Variants in CCDC148 observed in about 807,000 individuals in gnomAD.
CCDC148 encodes coiled-coil domain-containing protein 148.
A neutral mutation model predicts 85.7 loss-of-function variants in CCDC148; 89 were observed. That is an observed-to-expected ratio of 1.04 (90% CI 0.87 to 1.24). CCDC148 has a LOEUF of 1.24. Ranked by LOEUF, CCDC148 falls within the 50% of genes most tolerant of loss-of-function variation. CCDC148 has a pLI of 0.00. For missense variants in CCDC148, 692 were observed against 671.7 expected, an observed-to-expected ratio of 1.03 and a Z score of -0.33; for synonymous variants, 230 against 213.9, an observed-to-expected ratio of 1.08 and a Z score of -0.66.
At chr2:158,345,942 T>TA (rs997223373) in intron 2 of CCDC148, among the ~76,000 whole-genome samples, 12 of 152,330 alleles carry the variant, frequency 7.9e-5, no homozygotes, top group Non-Finnish European at 1.5e-4. Context: ...TGCGTCTTTG[T>TA]AAAAAAATTT....
intron 11 of CCDC148, among the ~76,000 whole-genome samples, chr2:158,199,563 C>G (rs6730081): frequency 0.072 from 11,006 of 152,132 alleles, 1,084 homozygotes; most frequent in African/African-American, 0.22. Context: ...TAATTTAAAA[C>G]CAGTTTTTAG....
intron 10 of CCDC148, among the ~76,000 whole-genome samples, chr2:158,231,814 C>T (rs1017619812): frequency 6.6e-6 from 1 of 152,090 alleles, no homozygotes; most frequent in Admixed American, 6.6e-5. Context: ...GGGAACCGGG[C>T]CAACAGTTTT....
chr2:158,364,731 C>G (rs1002984949), intron 1 of CCDC148, among the ~76,000 whole-genome samples: 1 of 152,144 alleles, frequency 6.6e-6, no homozygotes, highest in African/African-American at 2.4e-5. Context: ...CTAGGTAATA[C>G]CATTCAGGAC....
At chr2:158,449,774 G>T (rs539197701) in intron 1 of CCDC148, among the ~76,000 whole-genome samples, 2 of 152,216 alleles carry the variant, frequency 1.3e-5, no homozygotes, top group African/African-American at 4.8e-5. Context: ...AGATCAGACA[G>T]GTACGTTCAA....
At chr2:158,256,299 G>A (rs1329233982) in intron 9 of CCDC148, among the ~76,000 whole-genome samples, 1 of 151,690 alleles carries the variant, frequency 6.6e-6, no homozygotes, top group Non-Finnish European at 1.5e-5. Context: ...GGCTCATGCA[G>A]TTCTTTCATG....
At position 158,275,736 on chromosome 2, in the gene CCDC148, GAA is replaced by G. The variant is rs11291236; in HGVS notation, c.1111-24826_1111-24825del. Among the ~76,000 whole-genome samples, 615 of 146,882 alleles carry G rather than the reference GAA, an allele frequency of 4.2e-3. 8 individuals carry two copies. Among genetic ancestry groups the G allele is most frequent in the East Asian group, 0.04 (201 of 5,006 alleles). ...ATTCTTGATGGGAAAAATTTAAATT[GAA>G]AAAAAAAAAAACTCTGGAGAAATTA... On this transcript the variant is annotated intron_variant, in intron 9 of 13. Transcript: ENST00000283233.
intron 7 of CCDC148, among the ~76,000 whole-genome samples, chr2:158,319,288 G>C (rs1169320616): frequency 6.6e-6 from 1 of 152,076 alleles, no homozygotes; most frequent in Non-Finnish European, 1.5e-5. Flanking sequence ...CTCCAGCCCT[G>C]GCAGTGAATC....
intron 1 of CCDC148, among the ~76,000 whole-genome samples, chr2:158,411,510 G>A (rs1574773905): frequency 6.6e-6 from 1 of 151,694 alleles, no homozygotes; most frequent in East Asian, 1.9e-4. Context: ...ACATTGTTTA[G>A]TTCTAGAATT....
intron 7 of CCDC148, among the ~76,000 whole-genome samples, chr2:158,337,182 G>A (rs1183689954): frequency 6.6e-6 from 1 of 152,178 alleles, no homozygotes; most frequent in East Asian, 1.9e-4. Flanking sequence ...AGACTGCTAA[G>A]GCAAACTCCT....
chr2:158,384,250 G>C (rs1400496087), intron 1 of CCDC148, among the ~76,000 whole-genome samples: 1 of 152,148 alleles, frequency 6.6e-6, no homozygotes, highest in African/African-American at 2.4e-5. Flanking sequence ...TACTTTGAAA[G>C]TGATAAAGTT....
chr2:158,377,907 C>A (rs1347730182), intron 1 of CCDC148, among the ~76,000 whole-genome samples: 1 of 152,094 alleles, frequency 6.6e-6, no homozygotes, highest in East Asian at 1.9e-4. Flanking sequence ...CTCTGTCTTT[C>A]CCTCTCCTGG....
intron 11 of CCDC148, among the ~76,000 whole-genome samples, chr2:158,182,789 C>T (rs1684966560): frequency 2.6e-5 from 4 of 152,130 alleles, no homozygotes; most frequent in African/African-American, 9.7e-5. Context: ...GCTTCTTCTA[C>T]TCTGGATAGA....
chr2:158,208,561 C>T (rs1436314048), intron 11 of CCDC148, among the ~76,000 whole-genome samples: 1 of 152,134 alleles, frequency 6.6e-6, no homozygotes. Context: ...ACGACAGGAA[C>T]AGGAACAAAG....
At chr2:158,415,972 C>T (rs1359211746) in intron 1 of CCDC148, among the ~76,000 whole-genome samples, 1 of 152,212 alleles carries the variant, frequency 6.6e-6, no homozygotes, top group Non-Finnish European at 1.5e-5. Flanking sequence ...CAGACTTCTG[C>T]CTGCACATCC....
At chr2:158,343,902 A>C (rs2105247456) in intron 3 of CCDC148, among the ~76,000 whole-genome samples, 1 of 152,184 alleles carries the variant, frequency 6.6e-6, no homozygotes. Flanking sequence ...ATCATTACTT[A>C]AGTGTTCCTC....
intron 1 of CCDC148, among the ~76,000 whole-genome samples, chr2:158,448,765 A>C (rs1311178220): frequency 6.6e-6 from 1 of 152,032 alleles, no homozygotes; most frequent in African/African-American, 2.4e-5. Context: ...ATTTATTCTT[A>C]AATATTGTCT....
chr2:158,303,043 A>G (rs1559055654), intron 9 of CCDC148, among the ~76,000 whole-genome samples: 1 of 152,114 alleles, frequency 6.6e-6, no homozygotes, highest in Non-Finnish European at 1.5e-5. Flanking sequence ...ACCAAAATAA[A>G]ACAAAACAGA....
intron 12 of CCDC148, among the ~76,000 whole-genome samples, chr2:158,177,141 T>C (rs1037423516): frequency 5.3e-5 from 8 of 152,056 alleles, no homozygotes; most frequent in East Asian, 1.9e-4. Context: ...TCAAGTGTGT[T>C]GGCATTAGTG....
chr2:158,296,449 A>T (rs1388020318), intron 9 of CCDC148, among the ~76,000 whole-genome samples: 1 of 152,042 alleles, frequency 6.6e-6, no homozygotes, highest in Non-Finnish European at 1.5e-5. Context: ...TTTAATGGCT[A>T]TGTATTTATT....
Sources: gnomAD v4.1 joint callset for allele counts (sites outside exome capture counted in the v4.1 genomes callset) on GRCh38, gnomAD v4.1.1 for gene constraint, MANE v1.5 for transcripts, NCBI Gene and HGNC (gene_info 2026-07-23, HGNC 2026-07-21) for gene names.